Variants in CTNNA2 observed in about 807,000 individuals in gnomAD.
CTNNA2 encodes catenin alpha-2.
In CTNNA2, 42 loss-of-function variants were observed where a neutral mutation model predicts 101.0. That is an observed-to-expected ratio of 0.42 (90% CI 0.32 to 0.54). The LOEUF (loss-of-function observed/expected upper bound fraction) is 0.54, where lower values mean the gene tolerates loss of function less well. Ranked by LOEUF, CTNNA2 falls within the 20% of genes least tolerant of loss-of-function variation. CTNNA2 has a pLI of 0.14. For synonymous variants in CTNNA2, 450 were observed against 456.4 expected (o/e 0.99, Z 0.18); for missense variants, 871 against 1,223.1 (o/e 0.71, Z 4.29).
chr2:79,443,382 A>T (rs1212372651), intron 4 of CTNNA2, among the ~76,000 whole-genome samples: 3 of 152,110 alleles, frequency 2.0e-5, no homozygotes, highest in African/African-American at 7.2e-5. Flanking sequence ...AGAGACAGAT[A>T]ATTTGCCCTT....
At chr2:79,427,338 G>A (rs1678603328) in intron 4 of CTNNA2, among the ~76,000 whole-genome samples, 1 of 151,754 alleles carries the variant, frequency 6.6e-6, no homozygotes, top group African/African-American at 2.4e-5. Context: ...ATTGATGGGA[G>A]GTTGTTGGTT....
intron 2 of CTNNA2, among the ~76,000 whole-genome samples, chr2:79,241,947 C>G (rs888633547): frequency 5.3e-5 from 8 of 151,800 alleles, no homozygotes; most frequent in Admixed American, 3.3e-4. Flanking sequence ...GCTCAGTCAC[C>G]CAGGCTGGAG....
At chr2:79,622,691 C>CA (rs1339166357) in intron 1 of CTNNA2, among the ~76,000 whole-genome samples, 1 of 152,088 alleles carries the variant, frequency 6.6e-6, no homozygotes, top group African/African-American at 2.4e-5. Context: ...GAGGGTGACT[C>CA]AGAGACCTAG....
At chr2:80,273,884 A>T (rs1358812263) in intron 7 of CTNNA2, among the ~76,000 whole-genome samples, 1 of 151,698 alleles carries the variant, frequency 6.6e-6, no homozygotes, top group African/African-American at 2.4e-5. Flanking sequence ...TCCCCTGTTT[A>T]TCTTGTTATT....
At chr2:80,570,001 G>A (rs150728231) in intron 12 of CTNNA2, among the ~76,000 whole-genome samples, 1,797 of 151,956 alleles carry the variant, frequency 0.012, 33 homozygotes, top group African/African-American at 0.041. Context: ...AACATCTTAG[G>A]TTCTGTCAAG....
At chr2:80,462,627 C>CTTTTTTTTTTTTTTTTTTT (rs1161384853) in intron 9 of CTNNA2, among the ~76,000 whole-genome samples, 32 of 114,364 alleles carry the variant, frequency 2.8e-4, no homozygotes, top group African/African-American at 1.1e-3. Flanking sequence ...TTCTTTCTTT[C>CTTTTTTTTTTTTTTTTTTT]TTTCTTTTTT....
chr2:80,542,737 A>G (rs920588582), intron 9 of CTNNA2, among the ~76,000 whole-genome samples: 3 of 152,190 alleles, frequency 2.0e-5, no homozygotes, highest in Admixed American at 6.5e-5. Context: ...GGGCAAAAAC[A>G]GCCATCATCT....
chr2:80,049,366 A>AT (rs1696726355), intron 7 of CTNNA2, among the ~76,000 whole-genome samples: 1 of 152,174 alleles, frequency 6.6e-6, no homozygotes, highest in Admixed American at 6.5e-5. Context: ...CCCATACCCC[A>AT]TAGGGATGTG....
intron 7 of CTNNA2, among the ~76,000 whole-genome samples, chr2:80,324,993 A>G (rs1372359093): frequency 6.6e-6 from 1 of 152,178 alleles, no homozygotes; most frequent in East Asian, 1.9e-4. Flanking sequence ...ACTACTGGAT[A>G]TTATGTTCCT....
At chr2:80,459,090 C>G (rs1684214022) in intron 9 of CTNNA2, among the ~76,000 whole-genome samples, 1 of 152,142 alleles carries the variant, frequency 6.6e-6, no homozygotes, top group South Asian at 2.1e-4. Context: ...AGGTTTATAA[C>G]CTAGGAACAA....
intron 7 of CTNNA2, among the ~76,000 whole-genome samples, chr2:80,234,268 G>C (rs1709423429): frequency 6.6e-6 from 1 of 152,160 alleles, no homozygotes; most frequent in Admixed American, 6.5e-5. Flanking sequence ...CTGACCTCAA[G>C]TGATCCACCT....
chr2:79,689,700 C>G lies in CTNNA2; in HGVS notation c.102+38042C>G, dbSNP rs77575138. ...ACAGGGGTATTTAAATATAATAGAT[C>G]GATGTAATTATGCATTAATGTAATA... On this transcript the variant is annotated intron_variant, in intron 2 of 18. Transcript: ENST00000402739. Among the ~76,000 whole-genome samples the G allele has an allele frequency of 4.0e-5, 6 of 151,420 alleles. No individual in the cohort carries two copies. In the South Asian group the frequency reaches 1.3e-3, roughly 32 times the overall value.
intron 7 of CTNNA2, among the ~76,000 whole-genome samples, chr2:80,235,364 G>A (rs1013064564): frequency 4.6e-5 from 7 of 152,118 alleles, no homozygotes; most frequent in Non-Finnish European, 7.4e-5. Context: ...ATTTTTCCAA[G>A]TATTCGGGCT....
rs562783654 is a variant in CTNNA2 at position 80,148,545 on chromosome 2, A to G, written c.1056+238748A>G. Reference sequence around the variant, plus strand: ...CCCGAGAGAGCAGAGGAGCAGCACCAGAAGCAAAGTATGGGCCTTACCACC... The same window carrying G: ...CCCGAGAGAGCAGAGGAGCAGCACCGGAAGCAAAGTATGGGCCTTACCACC... On this transcript the variant is annotated intron_variant, in intron 7 of 18. Transcript: ENST00000402739. 5.3e-5 allele frequency among the ~76,000 whole-genome samples: 8 copies of G among 152,350 alleles called. No homozygotes were observed. In the South Asian group the frequency reaches 1.7e-3, roughly 32 times the overall value.
chr2:79,876,005 T>G (rs1042790004), intron 6 of CTNNA2, among the ~76,000 whole-genome samples: 3 of 152,258 alleles, frequency 2.0e-5, no homozygotes, highest in Admixed American at 1.3e-4. Context: ...TTCTTATATC[T>G]GCTAGAAATA....
rs575691331 is a variant in CTNNA2, at chr2:79,869,816, G to T, written c.466G>T (p.Val156Leu). 6.2e-7 allele frequency: 1 copy of T among 1,612,912 alleles called. No individual in the cohort carries two copies. The highest frequency in any genetic ancestry group is 1.1e-5 in the South Asian group (1 of 90,762). Residue 156 changes from valine to leucine, a missense_variant and splice_region_variant, in exon 5 of 19, where the codon GTG (valine) becomes TTG (leucine). Physicochemically the swap from Val to Leu is conservative, Grantham distance 32. Coordinates refer to ENST00000402739, the MANE Select transcript of CTNNA2 (RefSeq NM_001282597.3). ...AATATGTTGTTTTTCACCACTGCAG[G>T]TGGAAGAGGCCCTGGAAGCTGTCAA... ...VMRLLSHLKI[V>L]EEALEAVKNA...
chr2:80,311,723 CTGT>C (rs1299225627), intron 7 of CTNNA2, among the ~76,000 whole-genome samples: 1 of 152,202 alleles, frequency 6.6e-6, no homozygotes, highest in African/African-American at 2.4e-5. Context: ...AGGCTTTGTT[CTGT>C]TGTTCCTGTT....
chr2:79,538,339 A>G (rs1022590264), intron 1 of CTNNA2, among the ~76,000 whole-genome samples: 6 of 151,862 alleles, frequency 4.0e-5, no homozygotes, highest in South Asian at 2.1e-4. Context: ...TATAGACTAA[A>G]GCTGTTATGA....
chr2:79,652,919 C>T (rs1193262244), intron 2 of CTNNA2, among the ~76,000 whole-genome samples: 2 of 152,106 alleles, frequency 1.3e-5, no homozygotes, highest in Non-Finnish European at 2.9e-5. Flanking sequence ...TCTCATTGTC[C>T]AAATTATTTA....
Sources: gnomAD v4.1 joint callset for allele counts (sites outside exome capture counted in the v4.1 genomes callset) on GRCh38, gnomAD v4.1.1 for gene constraint, MANE v1.5 for transcripts, NCBI Gene and HGNC (gene_info 2026-07-23, HGNC 2026-07-21) for gene names.